ADGB: variants seen among roughly 807,000 people sequenced by gnomAD.
ADGB encodes calpain-7-like protein.
ADGB carries 172 observed loss-of-function variants against 210.5 expected under a neutral mutation model. That is an observed-to-expected ratio of 0.82 (90% CI 0.72 to 0.93). ADGB has a LOEUF of 0.93. Ranked by LOEUF, ADGB falls within the 40% of genes least tolerant of loss-of-function variation. The pLI, the probability that ADGB is intolerant of heterozygous loss-of-function variation, is 0.00. For synonymous variants in ADGB, 658 were observed against 662.7 expected (o/e 0.99, Z 0.11); for missense variants, 2,025 against 1,964.8 (o/e 1.03, Z -0.58).
Position 146,788,419 on chromosome 6 carries a change from C to G in ADGB, c.4346C>G (p.Pro1449Arg), listed in dbSNP as rs1470784737. Residue 1449 changes from proline (P) to arginine (R), a missense_variant, in exon 33 of 36, where the codon CCA (proline) becomes CGA (arginine). Coordinates refer to ENST00000397944, the MANE Select transcript of ADGB (RefSeq NM_024694.4). ...ACAGCTGCACGTGGCGTAAAAGAAC[C>G]AAACTCAAAGAATTCTGCAGGTTCA... ...VETAARGVKEPNSKNSAGSES... is the reference protein window; with the variant it reads ...VETAARGVKERNSKNSAGSES... 20 of 1,551,358 alleles carry G rather than the reference C, an allele frequency of 1.3e-5. No individual in the cohort carries two copies. The highest frequency in any genetic ancestry group is 1.7e-5 in the Non-Finnish European group (20 of 1,146,896).
chr6:146,691,531 G>A (rs1409593793), intron 11 of ADGB, among the ~76,000 whole-genome samples: 3 of 45,024 alleles, frequency 6.7e-5, no homozygotes, highest in African/African-American at 2.3e-4. Context: ...TTTTTGAGAC[G>A]GAGTCTCGCT....
At chr6:146,780,573 T>G (rs575478653) in intron 29 of ADGB, among the ~76,000 whole-genome samples, 1 of 152,112 alleles carries the variant, frequency 6.6e-6, no homozygotes, top group East Asian at 1.9e-4. Context: ...AAATAGGGTC[T>G]AAGATGAAAA....
chr6:146,617,346 T>G (rs552740617), intron 1 of ADGB, among the ~76,000 whole-genome samples: 60 of 152,230 alleles, frequency 3.9e-4, no homozygotes, highest in African/African-American at 1.4e-3. Flanking sequence ...TGGTGGAGTC[T>G]TTAGGTTTCT....
intron 1 of ADGB, among the ~76,000 whole-genome samples, chr6:146,614,351 C>T (rs1420984035): frequency 6.6e-6 from 1 of 151,950 alleles, no homozygotes; most frequent in African/African-American, 2.4e-5. Context: ...AAACCTTCAC[C>T]ACTATCAAAA....
intron 29 of ADGB, among the ~76,000 whole-genome samples, chr6:146,774,470 T>C (rs1241878621): frequency 6.6e-6 from 1 of 152,186 alleles, no homozygotes; most frequent in Non-Finnish European, 1.5e-5. Context: ...AATTACACTT[T>C]GGATTACATA....
intron 1 of ADGB, among the ~76,000 whole-genome samples, chr6:146,629,179 C>T (rs912165875): frequency 9.2e-5 from 14 of 151,796 alleles, no homozygotes; most frequent in Non-Finnish European, 1.8e-4. Flanking sequence ...TTAATGAGAC[C>T]GGAATAATGC....
In ADGB at chr6:146,726,140, C is replaced by A; in HGVS notation, c.2295C>A (p.Cys765Ter). Residue 765 changes from cysteine to a stop codon, truncating the protein, a stop_gained, in exon 19 of 36, where the codon TGC becomes TGA. Transcript: ENST00000397944. LOFTEE classifies it high-confidence loss of function. ...CAGTAGGACACTCCATACACATCTG[C>A]AGCATGGTGTCATTTGTCATTGGGG... ...YSPVGHSIHI[C>*]SMVSFVIGDE... 4 of 1,550,028 alleles carry A rather than the reference C, an allele frequency of 2.6e-6. No homozygotes were observed. The highest frequency in any genetic ancestry group is 3.5e-6 in the Non-Finnish European group (4 of 1,145,272).
At chr6:146,788,265 A>G in intron 32 of ADGB, 124 bp from the exon 33 acceptor site, 1 of 880,026 alleles carries the variant, frequency 1.1e-6, no homozygotes, top group South Asian at 1.7e-5. Context: ...TGCTCTGGTT[A>G]GAAGTTATAG....
chr6:146,776,327 G>A (rs904359627), intron 29 of ADGB, among the ~76,000 whole-genome samples: 1 of 151,682 alleles, frequency 6.6e-6, no homozygotes, highest in Admixed American at 6.6e-5. Flanking sequence ...TGTATTTCCT[G>A]TAAAGCTTTA....
At chr6:146,733,732 A>T (rs1480784213) in intron 21 of ADGB, among the ~76,000 whole-genome samples, 161 bp from the exon 22 acceptor site, 1 of 152,220 alleles carries the variant, frequency 6.6e-6, no homozygotes, top group Non-Finnish European at 1.5e-5. Context: ...GAATATTTAC[A>T]TTCTAACAAG....
chr6:146,611,301 C>T (rs1256638812), intron 1 of ADGB, among the ~76,000 whole-genome samples: 1 of 152,018 alleles, frequency 6.6e-6, no homozygotes, highest in African/African-American at 2.4e-5. Context: ...CCATGGGTAA[C>T]ATAACCTTGT....
At chr6:146,814,127 T>G (rs187824339) in intron 35 of ADGB, among the ~76,000 whole-genome samples, 152 of 152,298 alleles carry the variant, frequency 1.0e-3, no homozygotes, top group African/African-American at 3.5e-3. Flanking sequence ...CTATCTTTTG[T>G]AAAAACTTCA....
intron 3 of ADGB, among the ~76,000 whole-genome samples, chr6:146,653,355 C>A (rs1050777313): frequency 1.3e-5 from 2 of 152,070 alleles, no homozygotes; most frequent in Non-Finnish European, 2.9e-5. Flanking sequence ...ACCCCCAACT[C>A]CTTGGTTCGT....
rs886418085 is a variant in ADGB at position 146,716,020 on chromosome 6, A to G, written c.1741+605A>G. Among the ~76,000 whole-genome samples the G allele has an allele frequency of 4.7e-5, 7 of 148,256 alleles. No homozygotes were observed. In the East Asian group the frequency reaches 1.4e-3, roughly 30 times the overall value. On this transcript the variant is annotated intron_variant, in intron 14 of 35. Transcript: ENST00000397944. ...GAGTCAGAGGTTGCAGTGAGCCAAG[A>G]TCGTGCCACTGCACTCCAGCCTGGA...
rs1477042892 is a variant in ADGB at position 146,701,052 on chromosome 6, A to C, written c.1689A>C (p.Ile563=). The C allele has an allele frequency of 6.4e-7, 1 of 1,550,590 alleles. No individual in the cohort carries two copies. Among genetic ancestry groups the C allele is most frequent in the Admixed American group, 2.0e-5 (1 of 50,866 alleles). The change falls in exon 13 of 36, where the codon ATA becomes ATC. Residue 563 remains isoleucine (I), a synonymous_variant. Transcript: ENST00000397944. ...ATHSQTDLSQ[I]TKATSQGNTA... ...ATAGCCAGACAGACTTGAGTCAAAT[A>C]ACAAAAGCTACATCTCAGGTGACTA...
chr6:146,755,284 C>T (rs1391998540), intron 27 of ADGB, among the ~76,000 whole-genome samples: 11 of 152,014 alleles, frequency 7.2e-5, no homozygotes, highest in Admixed American at 7.2e-4. Context: ...ATTTTTTCTA[C>T]ACAATGATAT....
chr6:146,746,217 T>C (rs1316298353), intron 26 of ADGB, 108 bp downstream of exon 26: 2 of 823,448 alleles, frequency 2.4e-6, no homozygotes, highest in Non-Finnish European at 3.6e-6. Flanking sequence ...AATTTCAAAT[T>C]CCATATTCTT....
At chr6:146,705,786 C>A (rs977102696) in intron 13 of ADGB, among the ~76,000 whole-genome samples, 9 of 151,952 alleles carry the variant, frequency 5.9e-5, no homozygotes, top group African/African-American at 2.2e-4. Context: ...TAATGCTTGC[C>A]CTGTATAATT....
intron 29 of ADGB, among the ~76,000 whole-genome samples, chr6:146,778,327 A>G (rs996303478): frequency 1.3e-5 from 2 of 152,166 alleles, no homozygotes; most frequent in African/African-American, 4.8e-5. Context: ...GAAAAGAAGC[A>G]GCACTGAGTT....
Sources: allele counts gnomAD v4.1 joint callset (sites outside exome capture counted in the v4.1 genomes callset), GRCh38; gene constraint gnomAD v4.1.1; transcripts MANE v1.5; gene names NCBI Gene and HGNC (gene_info 2026-07-23, HGNC 2026-07-21).